The following EPHB1 variants were observed in gnomAD, a reference collection of about 807,000 sequenced individuals.
EPHB1 encodes EPH receptor B1.
Under a neutral mutation model 94.4 loss-of-function variants are expected in EPHB1, and 30 were observed. That is an observed-to-expected ratio of 0.32 (90% CI 0.24 to 0.43). EPHB1 has a LOEUF of 0.43. Ranked by LOEUF, EPHB1 falls within the 20% of genes least tolerant of loss-of-function variation. The pLI is 1.00. For missense variants in EPHB1, 1,055 were observed against 1,308.3 expected (o/e 0.81, Z 2.99); for synonymous variants, 522 against 489.1 (o/e 1.07, Z -0.89).
chr3:134,933,808 A>G (rs1479510030), intron 2 of EPHB1, among the ~76,000 whole-genome samples: 1 of 152,172 alleles, frequency 6.6e-6, no homozygotes, highest in African/African-American at 2.4e-5. Context: ...AGTGGGTTCC[A>G]GAAGGAACTC....
At chr3:135,087,372 G>A (rs1938396374) in intron 3 of EPHB1, among the ~76,000 whole-genome samples, 1 of 152,150 alleles carries the variant, frequency 6.6e-6, no homozygotes, top group Admixed American at 6.5e-5. Flanking sequence ...TTGTTTTATG[G>A]ACCTTTATCT....
chr3:134,987,214 CT>C (rs1250912178), intron 3 of EPHB1, among the ~76,000 whole-genome samples: 1 of 152,126 alleles, frequency 6.6e-6, no homozygotes, highest in Non-Finnish European at 1.5e-5. Flanking sequence ...CAGGCATTGT[CT>C]TAAGTATATT....
intron 1 of EPHB1, among the ~76,000 whole-genome samples, chr3:134,906,035 T>G (rs1474785461): frequency 6.6e-6 from 1 of 152,208 alleles, no homozygotes; most frequent in Non-Finnish European, 1.5e-5. Flanking sequence ...CCATGGCCCT[T>G]CTGAGCGCTC....
At chr3:134,908,061 T>G (rs2038373418) in intron 1 of EPHB1, among the ~76,000 whole-genome samples, 1 of 152,244 alleles carries the variant, frequency 6.6e-6, no homozygotes, top group African/African-American at 2.4e-5. Context: ...CCTCACTGAT[T>G]CAGTCACTCA....
intron 3 of EPHB1, chr3:134,978,034 C>T (rs762320817): frequency 2.2e-6 from 1 of 455,412 alleles, no homozygotes; most frequent in South Asian, 1.6e-5. Flanking sequence ...ATTTCTGCCA[C>T]ACTCACACAG....
chr3:135,216,000 G>A (rs1011069853), intron 12 of EPHB1, among the ~76,000 whole-genome samples: 9 of 152,154 alleles, frequency 5.9e-5, no homozygotes, highest in Non-Finnish European at 1.2e-4. Context: ...ATCCTGTCAG[G>A]CTGGAAAAGA....
chr3:134,893,367 T>G (rs1267978424), intron 1 of EPHB1, among the ~76,000 whole-genome samples: 2 of 152,100 alleles, frequency 1.3e-5, no homozygotes, highest in Admixed American at 1.3e-4. Context: ...GCTCTGAGAA[T>G]AAAGTGGAAA....
chr3:135,177,653 T>C (rs1942021302), intron 9 of EPHB1, among the ~76,000 whole-genome samples: 1 of 152,192 alleles, frequency 6.6e-6, no homozygotes, highest in African/African-American at 2.4e-5. Flanking sequence ...TTCCCTATCT[T>C]ACTTCCCTTC....
At position 135,231,336 on chromosome 3, in the gene EPHB1, A is replaced by C. The variant is rs369431881; in HGVS notation, c.2347-9812A>C. Among the ~76,000 whole-genome samples, 9 of 152,350 alleles carry C rather than the reference A, an allele frequency of 5.9e-5. No individual in the cohort carries two copies. In the East Asian group the frequency reaches 1.3e-3, roughly 23 times the overall value. ...AGAGAGCTGTTTGCCCAGTCAGTAT[A>C]GTACAGAAAAATGACGTCTGTTTGG... On this transcript the variant is annotated intron_variant, in intron 12 of 15. Coordinates refer to ENST00000398015, the MANE Select transcript of EPHB1 (RefSeq NM_004441.5).
intron 1 of EPHB1, among the ~76,000 whole-genome samples, chr3:134,810,996 C>CATAAAGGACTGTGA (rs1397765655): frequency 6.6e-6 from 1 of 152,120 alleles, no homozygotes; most frequent in Admixed American, 6.6e-5. Flanking sequence ...AGGGGAGTCC[C>CATAAAGGACTGTGA]ATAAAGGACT....
intron 10 of EPHB1, 143 bp from the exon 11 acceptor site, chr3:135,192,433 T>G: frequency 1.0e-6 from 1 of 960,972 alleles, no homozygotes; most frequent in African/African-American, 2.2e-5. Context: ...ACAATATAGT[T>G]ACAATGAGAG....
intron 3 of EPHB1, among the ~76,000 whole-genome samples, chr3:134,963,642 TACCGA>T (rs1048056969): frequency 6.6e-6 from 1 of 152,278 alleles, no homozygotes; most frequent in African/African-American, 2.4e-5. Flanking sequence ...CCATTGAAGA[TACCGA>T]GGCACCGAGA....
chr3:134,964,718 C>A (rs1933662416), intron 3 of EPHB1, among the ~76,000 whole-genome samples: 1 of 152,112 alleles, frequency 6.6e-6, no homozygotes, highest in Non-Finnish European at 1.5e-5. Flanking sequence ...TTTGTCTTTT[C>A]CCTCTGCATC....
chr3:135,042,358 T>A (rs1258031526), intron 3 of EPHB1, among the ~76,000 whole-genome samples: 1 of 152,214 alleles, frequency 6.6e-6, no homozygotes, highest in Non-Finnish European at 1.5e-5. Flanking sequence ...GGAATTACAT[T>A]TCTAAAATAT....
intron 3 of EPHB1, among the ~76,000 whole-genome samples, chr3:134,960,169 T>C (rs1933457112): frequency 6.6e-6 from 1 of 151,894 alleles, no homozygotes; most frequent in South Asian, 2.1e-4. Context: ...ATGAGTTGAA[T>C]TGATAGGGCC....
At chr3:135,012,691 G>A (rs2107749583) in intron 3 of EPHB1, among the ~76,000 whole-genome samples, 1 of 152,176 alleles carries the variant, frequency 6.6e-6, no homozygotes, top group East Asian at 1.9e-4. Context: ...ATGCCAGGAG[G>A]TGCCTGGCTC....
rs1025825051 is a variant in EPHB1 at position 135,199,525 on chromosome 3, G to A, written c.2131-1949G>A. ...GAGTTGCTTAGAAGAATCTATTATG[G>A]AGAAAGCATACATTCAATCTCCTGG... On this transcript the variant is annotated intron_variant, in intron 11 of 15. Transcript: ENST00000398015. Among the ~76,000 whole-genome samples, 4 of 152,192 alleles carry A rather than the reference G, an allele frequency of 2.6e-5. No individual in the cohort carries two copies. The East Asian group carries it at 7.7e-4, about 29-fold the overall frequency.
At chr3:134,912,533 C>T (rs973293237) in intron 1 of EPHB1, among the ~76,000 whole-genome samples, 4 of 151,490 alleles carry the variant, frequency 2.6e-5, no homozygotes, top group Non-Finnish European at 5.9e-5. Context: ...CTGGCCTCTG[C>T]CTCTCTCTCT....
rs937208490 is a variant in EPHB1 at position 135,259,327 on chromosome 3, A to G, written c.*207A>G. The stretch of plus-strand genomic sequence containing the variant: ...CATGTTTGAGATGCCGTGGGAAACC[A>G]AATATATAATAATAAAAATATAAAA... On this transcript the variant is annotated 3_prime_UTR_variant, in exon 16 of 16. Transcript: ENST00000398015. 2.4e-5 allele frequency: 10 copies of G among 413,802 alleles called. No homozygotes were observed. The highest frequency in any genetic ancestry group is 4.3e-5 in the Non-Finnish European group (10 of 230,920). 25.6% of individuals were successfully genotyped at this position (413,802 alleles called of 1,614,324 possible). A position where few individuals can be genotyped will look rare whatever the true frequency, so the allele number is the denominator to read the frequency against.
Sources: allele counts gnomAD v4.1 joint callset (sites outside exome capture counted in the v4.1 genomes callset), GRCh38; gene constraint gnomAD v4.1.1; transcripts MANE v1.5; gene names NCBI Gene and HGNC (gene_info 2026-07-23, HGNC 2026-07-21).